The following DSCAM variants were observed in gnomAD, a reference collection of about 807,000 sequenced individuals.
DSCAM encodes the protein DS cell adhesion molecule.
Under a neutral mutation model 217.7 loss-of-function variants are expected in DSCAM, and 47 were observed. The observed-to-expected ratio is 0.22, with a 90% CI of 0.17 to 0.28. The LOEUF (loss-of-function observed/expected upper bound fraction) is 0.28. Ranked by LOEUF, DSCAM falls within the 10% of genes least tolerant of loss-of-function variation. DSCAM has a pLI of 1.00. For synonymous variants in DSCAM, 1,056 were observed against 1,015.3 expected (o/e 1.04, Z -0.76); for missense variants, 2,080 against 2,618.3 (o/e 0.79, Z 4.49).
intron 3 of DSCAM, among the ~76,000 whole-genome samples, chr21:40,427,149 G>A (rs1208668197): frequency 1.3e-5 from 2 of 152,200 alleles, no homozygotes; most frequent in Non-Finnish European, 2.9e-5. Flanking sequence ...GGGCCTAGGT[G>A]GCCCAGCTGA....
chr21:40,237,558 G>T (rs1485186562), intron 11 of DSCAM, among the ~76,000 whole-genome samples: 2 of 152,128 alleles, frequency 1.3e-5, no homozygotes, highest in Admixed American at 1.3e-4. Context: ...CCTTTTTTAT[G>T]GCTGCATAGT....
intron 3 of DSCAM, among the ~76,000 whole-genome samples, chr21:40,684,523 G>A (rs2090453190): frequency 6.6e-6 from 1 of 152,160 alleles, no homozygotes; most frequent in East Asian, 1.9e-4. Context: ...TCCTCCACCT[G>A]CTCCAGCCCA....
intron 11 of DSCAM, among the ~76,000 whole-genome samples, chr21:40,211,216 T>C (rs1283844422): frequency 1.3e-5 from 2 of 152,368 alleles, no homozygotes; most frequent in Middle Eastern, 6.8e-3. Context: ...GATTGCTGAA[T>C]AGCAGCATTC....
intron 11 of DSCAM, among the ~76,000 whole-genome samples, chr21:40,200,285 T>G (rs1474304474): frequency 6.6e-6 from 1 of 151,988 alleles, no homozygotes; most frequent in Non-Finnish European, 1.5e-5. Flanking sequence ...TGGCAACTCT[T>G]AAACAATCCC....
At chr21:40,677,213 T>TA (rs11448713) in intron 3 of DSCAM, among the ~76,000 whole-genome samples, 71,379 of 150,324 alleles carry the variant, frequency 0.47, 17,199 homozygotes, top group East Asian at 0.6. Flanking sequence ...CATAGGAGGA[T>TA]AAAAAAAAAT....
intron 3 of DSCAM, among the ~76,000 whole-genome samples, chr21:40,638,334 A>G (rs371957949): frequency 5.9e-5 from 9 of 152,334 alleles, no homozygotes; most frequent in Middle Eastern, 3.4e-3. Flanking sequence ...TCAGTGAACC[A>G]TGCATAACTT....
rs372132909 is a variant in DSCAM at position 40,604,171 on chromosome 21, C to T, written c.508+88639G>A. Among the ~76,000 whole-genome samples, 50 of 152,024 alleles carry T rather than the reference C, an allele frequency of 3.3e-4. No individual in the cohort carries two copies. In the East Asian group the frequency reaches 4.5e-3, roughly 14 times the overall value. Reference sequence around the variant, plus strand: ...TTTTGGTTTAAAAAGTTTCTCCTGACGTATCTTCAAGCTCATTGATTCTTT... The same window carrying T: ...TTTTGGTTTAAAAAGTTTCTCCTGATGTATCTTCAAGCTCATTGATTCTTT... On this transcript the variant is annotated intron_variant, in intron 3 of 32. Transcript: ENST00000400454.
rs527385358 is a variant in DSCAM, at chr21:40,670,675, T to A, written c.508+22135A>T. Among the ~76,000 whole-genome samples the A allele has an allele frequency of 4.6e-5, 7 of 152,368 alleles. No homozygotes were observed. In the South Asian group the frequency reaches 1.0e-3, roughly 23 times the overall value. On this transcript the variant is annotated intron_variant, in intron 3 of 32. Coordinates refer to ENST00000400454, the MANE Select transcript of DSCAM (RefSeq NM_001389.5). ...GCATATGTCAGAGTTCTCTTTCTTT[T>A]CAAGACTGACAAATCCTCCAGGGAA...
At chr21:40,729,071 T>G (rs1343356700) in intron 1 of DSCAM, among the ~76,000 whole-genome samples, 1 of 152,244 alleles carries the variant, frequency 6.6e-6, no homozygotes, top group East Asian at 1.9e-4. Flanking sequence ...TAACTATTGC[T>G]TCTGTTCTTG....
intron 4 of DSCAM, among the ~76,000 whole-genome samples, chr21:40,356,580 T>C (rs185098541): frequency 6.6e-6 from 1 of 152,300 alleles, no homozygotes; most frequent in Admixed American, 6.5e-5. Flanking sequence ...GGTGTTTTTA[T>C]GCATTTTTCC....
At chr21:40,535,281 A>G (rs2076486607) in intron 3 of DSCAM, among the ~76,000 whole-genome samples, 1 of 152,220 alleles carries the variant, frequency 6.6e-6, no homozygotes, top group African/African-American at 2.4e-5. Flanking sequence ...CCTTATTATA[A>G]CATATAATAA....
At chr21:40,445,149 T>C (rs1251999883) in intron 3 of DSCAM, among the ~76,000 whole-genome samples, 1 of 152,164 alleles carries the variant, frequency 6.6e-6, no homozygotes, top group Non-Finnish European at 1.5e-5. Context: ...AGAGCACTAA[T>C]CCCATTCATG....
At chr21:40,109,401 C>T (rs2089865389) in intron 20 of DSCAM, among the ~76,000 whole-genome samples, 1 of 152,240 alleles carries the variant, frequency 6.6e-6, no homozygotes, top group Non-Finnish European at 1.5e-5. Flanking sequence ...AAAAGCTCAA[C>T]ATCACTGATC....
chr21:40,434,215 G>A (rs1306046846), intron 3 of DSCAM, among the ~76,000 whole-genome samples: 1 of 152,118 alleles, frequency 6.6e-6, no homozygotes, highest in East Asian at 1.9e-4. Context: ...GCCACACAAA[G>A]TCCACCAGGA....
At chr21:40,614,276 T>G (rs145864211) in intron 3 of DSCAM, among the ~76,000 whole-genome samples, 76 of 152,286 alleles carry the variant, frequency 5.0e-4, no homozygotes, top group Middle Eastern at 3.4e-3. Flanking sequence ...TGTTTTCCTT[T>G]TCATGTACTT....
At chr21:40,437,743 C>T (rs975577538) in intron 3 of DSCAM, among the ~76,000 whole-genome samples, 4 of 151,966 alleles carry the variant, frequency 2.6e-5, no homozygotes, top group Non-Finnish European at 4.4e-5. Context: ...CCCAGCTACT[C>T]GGGAGGCTGA....
intron 3 of DSCAM, among the ~76,000 whole-genome samples, chr21:40,584,593 C>T (rs559882545): frequency 5.3e-5 from 8 of 152,218 alleles, no homozygotes; most frequent in African/African-American, 1.9e-4. Flanking sequence ...CTCATCACAC[C>T]TCCCTCCCTC....
At chr21:40,141,340 C>T (rs1052481954) in intron 18 of DSCAM, among the ~76,000 whole-genome samples, 3 of 152,112 alleles carry the variant, frequency 2.0e-5, no homozygotes, top group Non-Finnish European at 2.9e-5. Flanking sequence ...CCAGGCTGGG[C>T]GTGGTGGGTC....
At chr21:40,646,897 A>T (rs73905022) in intron 3 of DSCAM, among the ~76,000 whole-genome samples, 67 of 152,346 alleles carry the variant, frequency 4.4e-4, no homozygotes, top group African/African-American at 1.3e-3. Context: ...GCTCGGGACC[A>T]GTCTCCAAGG....
Sources: gnomAD v4.1 joint callset for allele counts (sites outside exome capture counted in the v4.1 genomes callset) on GRCh38, gnomAD v4.1.1 for gene constraint, MANE v1.5 for transcripts, NCBI Gene and HGNC (gene_info 2026-07-23, HGNC 2026-07-21) for gene names.